POU2F2: variants seen among roughly 807,000 people sequenced by gnomAD.
POU2F2 encodes POU class 2 homeobox 2.
POU2F2 carries 14 observed loss-of-function variants against 63.5 expected under a neutral mutation model. The observed-to-expected ratio is 0.22, with a 90% CI of 0.15 to 0.34. The LOEUF (loss-of-function observed/expected upper bound fraction) is 0.34, where lower values mean the gene tolerates loss of function less well. POU2F2 is among the 10% of genes least tolerant of loss of function. The probability of loss-of-function intolerance (pLI) is 1.00; values close to 1 mark genes in which losing one functional copy is unlikely to be tolerated. For missense variants in POU2F2, 607 were observed against 815.2 expected (o/e 0.74, Z 3.11); for synonymous variants, 306 against 348.6 (o/e 0.88, Z 1.36).
intron 1 of POU2F2, among the ~76,000 whole-genome samples, chr19:42,181,656 G>A (rs1429151434): frequency 4.6e-5 from 7 of 151,762 alleles, no homozygotes; most frequent in African/African-American, 1.2e-4. Context: ...GCACAATCTC[G>A]GCTCTCTGCA....
At chr19:42,190,254 G>GT in intron 1 of POU2F2, among the ~76,000 whole-genome samples, 1 of 151,188 alleles carries the variant, frequency 6.6e-6, no homozygotes, top group Non-Finnish European at 1.5e-5. Context: ...ATGAAGGGTT[G>GT]TTTCATTTGT....
Position 42,090,054 on chromosome 19 carries a change from G to GGTGT in POU2F2, c.*1199_*1202dup, listed in dbSNP as rs1355426729. On this transcript the variant is annotated 3_prime_UTR_variant, in exon 15 of 15. Coordinates refer to ENST00000692977, the MANE Select transcript of POU2F2 (RefSeq NM_001394376.1). The surrounding 1 kb of genome is among the most constrained non-coding windows in gnomAD (Gnocchi z 4.4). ...CCATCTCGAGGAACCCCACCACTGG[G>GGTGT]GTGTGTGCGTGCGTGCATGTGGGGG... is the stretch of plus-strand genomic sequence containing the variant. The GGTGT allele has an allele frequency of 6.6e-6, 1 of 152,630 alleles. No homozygotes were observed. The highest frequency in any genetic ancestry group is 1.5e-5 in the Non-Finnish European group (1 of 68,082). The allele number at this position is 152,630 out of a possible 1,614,324, so 9.5% of individuals were successfully genotyped here.
At position 42,092,356 on chromosome 19, in the gene POU2F2, C is replaced by A. The variant is rs1173336404; in HGVS notation, c.1265-86G>T. 4 of 1,025,452 alleles carry A rather than the reference C, an allele frequency of 3.9e-6. No homozygotes were observed. Among genetic ancestry groups the A allele is most frequent in the Non-Finnish European group, 6.0e-6 (4 of 670,542 alleles). 63.5% of individuals were successfully genotyped at this position (1,025,452 alleles called of 1,614,324 possible). On this transcript the variant is annotated intron_variant, in intron 12 of 14. Coordinates refer to ENST00000692977, the MANE Select transcript of POU2F2 (RefSeq NM_001394376.1). The surrounding 1 kb of genome is among the most constrained non-coding windows in gnomAD (Gnocchi z 5.0). ...CTGGGGTCAGCTCCTACTTGTCCTC[C>A]CGCCCAGCTCACGCAGCATCTCCTC...
In POU2F2 at chr19:42,117,184, T is replaced by C. The variant is rs1201072249; in HGVS notation, c.369+66A>G. 4.7e-6 allele frequency: 6 copies of C among 1,264,948 alleles called. No homozygotes were observed. The highest frequency in any genetic ancestry group is 6.5e-6 in the Non-Finnish European group (6 of 925,490). The allele number at this position is 1,264,948 out of a possible 1,614,324, so 78.4% of individuals were successfully genotyped here. ...GGCCTTGGTGGAACAGTTCATCCAC[T>C]AGCCCTGTAACAGATGAGGGGTGGC... On this transcript the variant is annotated intron_variant, in intron 5 of 14. Transcript: ENST00000692977. The surrounding 1 kb of genome is among the most constrained non-coding windows in gnomAD (Gnocchi z 4.4).
At chr19:42,116,874 G>A (rs918659941) in intron 5 of POU2F2, 2 of 450,712 alleles carry the variant, frequency 4.4e-6, no homozygotes, top group African/African-American at 2.0e-5. Flanking sequence ...AGGAGGAGGC[G>A]GAGGCGGCGG....
At chr19:42,173,608 G>A (rs2034814018) in intron 1 of POU2F2, among the ~76,000 whole-genome samples, 1 of 151,280 alleles carries the variant, frequency 6.6e-6, no homozygotes, top group South Asian at 2.1e-4. Context: ...GGACGTATAG[G>A]CTAACAACCT....
At position 42,155,501 on chromosome 19, in the gene POU2F2, G is replaced by C. The variant is rs1344057213; in HGVS notation, c.-9+4831C>G. Among the ~76,000 whole-genome samples the C allele has an allele frequency of 1.7e-4, 26 of 152,158 alleles. No homozygotes were observed. The highest frequency in any genetic ancestry group is 1.5e-5 in the Non-Finnish European group (1 of 68,038). On this transcript the variant is annotated intron_variant, in intron 2 of 6. Transcript: ENST00000524801. The surrounding 1 kb of genome is among the most constrained non-coding windows in gnomAD (Gnocchi z 4.2). ...CAAGAAAAGCAAGGTTGGGCACAGT[G>C]GTCCTAGCCTGTAGTCCCAGCTACA...
chr19:42,134,094 C>T (rs765783419), upstream of POU2F2, among the ~76,000 whole-genome samples: 3 of 152,094 alleles, frequency 2.0e-5, no homozygotes, highest in Non-Finnish European at 4.4e-5. Flanking sequence ...AGGGTCTTCC[C>T]GACAGCAGCC....
intron 1 of POU2F2, among the ~76,000 whole-genome samples, chr19:42,131,652 C>T (rs1480608159): frequency 2.0e-5 from 3 of 152,238 alleles, no homozygotes; most frequent in Non-Finnish European, 4.4e-5. Context: ...AGCCAACTGA[C>T]ATTTGGTGGA....
In POU2F2 at chr19:42,100,085, CTTTTTTTTTTTTTTT is replaced by C. The variant is rs948283094; in HGVS notation, c.370-279_370-265del. Among the ~76,000 whole-genome samples the C allele has an allele frequency of 1.9e-3, 149 of 77,084 alleles. 2 individuals are homozygous for C. Among genetic ancestry groups the C allele is most frequent in the African/African-American group, 6.9e-3 (140 of 20,258 alleles). 50.6% of individuals were successfully genotyped at this position (77,084 alleles called of 152,430 possible). A position where few individuals can be genotyped will look rare whatever the true frequency, so the allele number is the denominator to read the frequency against. ...CTCACTCTTTATTTACCCTTTCTTTCTTTTTTTTTTTTTTTTTTTTTTTTTTTTTTGAGTCTCGCT... is the reference window on the plus strand; with the variant it reads ...CTCACTCTTTATTTACCCTTTCTTTCTTTTTTTTTTTTTTTGAGTCTCGCT... On this transcript the variant is annotated intron_variant, in intron 5 of 14. Coordinates refer to ENST00000692977, the MANE Select transcript of POU2F2 (RefSeq NM_001394376.1).
chr19:42,122,581 G>A lies in POU2F2; in HGVS notation c.29-5C>T. 1 of 1,569,180 alleles carries A rather than the reference G, an allele frequency of 6.4e-7. No individual in the cohort carries two copies. The highest frequency in any genetic ancestry group is 8.6e-7 in the Non-Finnish European group (1 of 1,157,214). On this transcript the variant is annotated splice_polypyrimidine_tract_variant and splice_region_variant and intron_variant, in intron 1 of 14. Transcript: ENST00000692977. Reference sequence around the variant, plus strand: ...GGGGCTTAGACATTCTTATTTCTGGGGACAGAGGAGGAATGGAAGTGGGGT... The same window carrying A: ...GGGGCTTAGACATTCTTATTTCTGGAGACAGAGGAGGAATGGAAGTGGGGT...
chr19:42,177,943 G>C (rs945647553), upstream of POU2F2, among the ~76,000 whole-genome samples: 1 of 151,564 alleles, frequency 6.6e-6, no homozygotes, highest in Non-Finnish European at 1.5e-5. Flanking sequence ...AAATAGACAC[G>C]GGGACACACA....
chr19:42,143,360 AG>A (rs2034167273), intron 2 of POU2F2, among the ~76,000 whole-genome samples: 1 of 152,212 alleles, frequency 6.6e-6, no homozygotes, highest in Non-Finnish European at 1.5e-5. Flanking sequence ...TCAAAAAAAA[AG>A]AAAAAATTCA....
chr19:42,175,576 C>A (rs1301063558), intron 1 of POU2F2, among the ~76,000 whole-genome samples: 1 of 151,116 alleles, frequency 6.6e-6, no homozygotes, highest in African/African-American at 2.4e-5. Flanking sequence ...GGAGAAAGAG[C>A]TTTTATTGAG....
At chr19:42,119,627 G>T (rs2032347617) in intron 4 of POU2F2, among the ~76,000 whole-genome samples, 1 of 152,146 alleles carries the variant, frequency 6.6e-6, no homozygotes, top group African/African-American at 2.4e-5. Context: ...AGCCAAGATG[G>T]TGCCATCGCA....
At chr19:42,195,695 G>A (rs1441941064) in intron 1 of POU2F2, among the ~76,000 whole-genome samples, 2 of 117,548 alleles carry the variant, frequency 1.7e-5, no homozygotes, top group Admixed American at 2.1e-4. Context: ...TCCTTCCTTC[G>A]TTCCTTTTTT....
Position 42,191,207 on chromosome 19 carries a change from C to T in POU2F2, c.-70+5176G>A, listed in dbSNP as rs181818161. On this transcript the variant is annotated intron_variant, in intron 1 of 5. Coordinates refer to the POU2F2 transcript ENST00000532176. ...CATATGGGTGGCATCATCGGACCCCCCCTTGCTCTCTGACTTCAAATTAGG... is the reference window on the plus strand; with the variant it reads ...CATATGGGTGGCATCATCGGACCCCTCCTTGCTCTCTGACTTCAAATTAGG... 1.3e-3 allele frequency among the ~76,000 whole-genome samples: 199 copies of T among 152,300 alleles called. 1 individual carries two copies. Among genetic ancestry groups the T allele is most frequent in the Middle Eastern group, 6.8e-3 (2 of 294 alleles).
upstream of POU2F2, among the ~76,000 whole-genome samples, chr19:42,197,531 G>T (rs2035165354): frequency 6.6e-6 from 1 of 152,148 alleles, no homozygotes; most frequent in Non-Finnish European, 1.5e-5. Context: ...TGCAAGAAAG[G>T]CAGCCTTGGA....
At chr19:42,161,125 C>T (rs568891924) in intron 1 of POU2F2, among the ~76,000 whole-genome samples, 3 of 152,130 alleles carry the variant, frequency 2.0e-5, no homozygotes, top group Admixed American at 6.5e-5. Flanking sequence ...GAGGGTGCTG[C>T]GGGCATCCTG....
Sources: gnomAD v4.1 joint callset for allele counts (sites outside exome capture counted in the v4.1 genomes callset) on GRCh38, gnomAD v4.1.1 for gene constraint, Gnocchi (gnomAD v3.1) non-coding constraint, MANE v1.5 for transcripts, NCBI Gene and HGNC (gene_info 2026-07-23, HGNC 2026-07-21) for gene names.